ZC3H12B: variants seen among roughly 807,000 people sequenced by gnomAD.
ZC3H12B encodes zinc finger CCCH-type containing 12B.
ZC3H12B carries 7 observed loss-of-function variants against 43.9 expected under a neutral mutation model. The ratio of observed to expected loss-of-function variants is 0.16; its 90% confidence interval spans 0.09 to 0.30. The LOEUF is 0.30. ZC3H12B is among the 10% of genes least tolerant of loss of function. ZC3H12B has a pLI of 1.00. For missense variants in ZC3H12B, 475 were observed against 670.2 expected, an observed-to-expected ratio of 0.71 and a Z score of 3.22; for synonymous variants, 222 against 241.7, an observed-to-expected ratio of 0.92 and a Z score of 0.76.
At chrX:65,116,584 A>C in the ZC3H12B span, among the ~76,000 whole-genome samples, 1 of 109,000 alleles carries the variant, frequency 9.2e-6, no homozygotes, top group African/African-American at 3.3e-5. Context: ...TTTTTATTAT[A>C]CTTTAAGTTC....
chrX:65,238,332 A>G, the ZC3H12B span, among the ~76,000 whole-genome samples: 10 of 111,486 alleles, frequency 9.0e-5, no homozygotes, highest in Admixed American at 9.5e-4. Flanking sequence ...TGGGAGGTGT[A>G]TGTGTCCAGA....
chrX:65,054,548 T>G, the ZC3H12B span, among the ~76,000 whole-genome samples: 1 of 111,808 alleles, frequency 8.9e-6, no homozygotes, highest in African/African-American at 3.3e-5. Flanking sequence ...TCTTTTGGCT[T>G]AGGGTTGAAT....
chrX:65,255,134 C>G, the ZC3H12B span, among the ~76,000 whole-genome samples: 1 of 112,135 alleles, frequency 8.9e-6, no homozygotes, highest in African/African-American at 3.2e-5. Flanking sequence ...ACTTGGAAGA[C>G]ATATTTCAGG....
At chrX:65,219,137 A>T in the ZC3H12B span, among the ~76,000 whole-genome samples, 1 of 111,835 alleles carries the variant, frequency 8.9e-6, no homozygotes, top group Non-Finnish European at 1.9e-5. Context: ...GCACCATATC[A>T]AGGGAGCATG....
chrX:65,448,404 C>T (rs1250509335), intron 3 of ZC3H12B, among the ~76,000 whole-genome samples: 1 of 112,091 alleles, frequency 8.9e-6, no homozygotes, highest in African/African-American at 3.2e-5. Context: ...TCTACCCCTT[C>T]TTTAAAGGAA....
the ZC3H12B span, among the ~76,000 whole-genome samples, chrX:65,041,053 C>T: frequency 8.9e-6 from 1 of 112,773 alleles, no homozygotes; most frequent in South Asian, 3.6e-4. Context: ...GCTGGGATTA[C>T]AGGCGTGAGC....
chrX:65,171,747 G>C, the ZC3H12B span, among the ~76,000 whole-genome samples: 1 of 110,698 alleles, frequency 9.0e-6, no homozygotes, highest in East Asian at 2.9e-4. Flanking sequence ...AATGGTGGAC[G>C]CCCCTCCCCC....
At chrX:65,293,992 G>C in the ZC3H12B span, among the ~76,000 whole-genome samples, 1 of 111,460 alleles carries the variant, frequency 9.0e-6, no homozygotes, top group East Asian at 2.8e-4. Flanking sequence ...CTAAGTACAA[G>C]AAGCTCAAAG....
At chrX:65,312,013 A>G in the ZC3H12B span, among the ~76,000 whole-genome samples, 1 of 111,225 alleles carries the variant, frequency 9.0e-6, no homozygotes, top group Non-Finnish European at 1.9e-5. Context: ...GGGCAGGGGG[A>G]GGGATAGCAT....
At chrX:65,242,171 G>T in the ZC3H12B span, among the ~76,000 whole-genome samples, 1 of 110,889 alleles carries the variant, frequency 9.0e-6, no homozygotes, top group African/African-American at 3.3e-5. Flanking sequence ...TTCATTCTCT[G>T]TGGGTTTAGC....
the ZC3H12B span, among the ~76,000 whole-genome samples, chrX:65,094,714 G>A: frequency 8.9e-6 from 1 of 112,172 alleles, no homozygotes; most frequent in African/African-American, 3.2e-5. Flanking sequence ...CATTAAAAAT[G>A]TCCTTGATGA....
At chrX:65,300,301 G>A in the ZC3H12B span, among the ~76,000 whole-genome samples, 47 of 111,960 alleles carry the variant, frequency 4.2e-4, no homozygotes, top group East Asian at 3.7e-3. Context: ...CCAGCTGCCT[G>A]GATATAAACT....
At chrX:65,400,792 A>G (rs2066753568) in intron 3 of ZC3H12B, among the ~76,000 whole-genome samples, 1 of 111,843 alleles carries the variant, frequency 8.9e-6, no homozygotes, top group Non-Finnish European at 1.9e-5. Flanking sequence ...TCATTTTTCA[A>G]TTTACCTAAT....
chrX:65,045,799 T>A, the ZC3H12B span, among the ~76,000 whole-genome samples: 1 of 112,296 alleles, frequency 8.9e-6, no homozygotes, highest in East Asian at 2.8e-4. Flanking sequence ...ATTCATGAAA[T>A]GTATTTCTTA....
intron 3 of ZC3H12B, among the ~76,000 whole-genome samples, chrX:65,435,490 C>G (rs1226286051): frequency 9.0e-6 from 1 of 111,400 alleles, no homozygotes; most frequent in Non-Finnish European, 1.9e-5. Flanking sequence ...AAATAGAGTC[C>G]TTAGCATTTT....
chrX:65,168,728 G>A, the ZC3H12B span, among the ~76,000 whole-genome samples: 21 of 111,206 alleles, frequency 1.9e-4, no homozygotes, highest in Admixed American at 1.8e-3. Context: ...GCCTGTTACT[G>A]GTCTATTCAG....
the ZC3H12B span, among the ~76,000 whole-genome samples, chrX:65,217,156 A>G: frequency 7.3e-3 from 818 of 111,893 alleles, 17 homozygotes; most frequent in African/African-American, 0.025. Context: ...TTGTCTGGGA[A>G]CCCAGGGAAT....
At chrX:65,359,761 T>A in the ZC3H12B span, among the ~76,000 whole-genome samples, 3 of 112,489 alleles carry the variant, frequency 2.7e-5, no homozygotes, top group Admixed American at 2.8e-4. Context: ...AACAAACGAT[T>A]TAGAATATTA....
the ZC3H12B span, among the ~76,000 whole-genome samples, chrX:65,216,137 A>T: frequency 4.5e-5 from 5 of 111,763 alleles, no homozygotes; most frequent in African/African-American, 1.6e-4. Context: ...CTATATATGC[A>T]AAAGAAAGCA....
Sources: allele counts gnomAD v4.1 joint callset (sites outside exome capture counted in the v4.1 genomes callset), GRCh38; gene constraint gnomAD v4.1.1; transcripts MANE v1.5; gene names NCBI Gene and HGNC (gene_info 2026-07-23, HGNC 2026-07-21).